Variants in ERBB4 observed in about 807,000 individuals in gnomAD.
ERBB4 encodes receptor tyrosine-protein kinase erbB-4.
ERBB4 carries 42 observed loss-of-function variants against 158.0 expected under a neutral mutation model. That is an observed-to-expected ratio of 0.27 (90% CI 0.21 to 0.34). The LOEUF (loss-of-function observed/expected upper bound fraction) is 0.34, where lower values mean the gene tolerates loss of function less well. Ranked by LOEUF, ERBB4 falls within the 10% of genes least tolerant of loss-of-function variation. The pLI, the probability that ERBB4 is intolerant of heterozygous loss-of-function variation, is 1.00. For missense variants in ERBB4, 1,333 were observed against 1,624.1 expected, an observed-to-expected ratio of 0.82 and a Z score of 3.08; for synonymous variants, 583 against 558.7, an observed-to-expected ratio of 1.04 and a Z score of -0.61.
At chr2:211,991,759 T>G (rs532047550) in intron 2 of ERBB4, among the ~76,000 whole-genome samples, 1 of 152,188 alleles carries the variant, frequency 6.6e-6, no homozygotes, top group East Asian at 1.9e-4. Context: ...GGAAAGGAAG[T>G]TGGAAAAAGG....
chr2:212,293,859 CAAAA>C (rs58955695), intron 1 of ERBB4, among the ~76,000 whole-genome samples: 1 of 97,544 alleles, frequency 1.0e-5, no homozygotes, highest in Non-Finnish European at 1.8e-5. Flanking sequence ...AAAAAAAAAA[CAAAA>C]AAAAAAAAAA....
chr2:212,488,339 C>G (rs1215600364), intron 1 of ERBB4, among the ~76,000 whole-genome samples: 3 of 151,888 alleles, frequency 2.0e-5, no homozygotes, highest in Admixed American at 2.0e-4. Context: ...CTCTCTCTCT[C>G]TCTCCTCTCT....
At chr2:211,989,344 G>T (rs1488204370) in intron 2 of ERBB4, among the ~76,000 whole-genome samples, 3 of 151,648 alleles carry the variant, frequency 2.0e-5, no homozygotes, top group African/African-American at 7.3e-5. Context: ...TGCTTCAATG[G>T]AAAAATTTTC....
intron 19 of ERBB4, among the ~76,000 whole-genome samples, chr2:211,597,667 C>CATATTTA (rs1553584468): frequency 8.8e-4 from 133 of 151,734 alleles, no homozygotes; most frequent in Non-Finnish European, 1.7e-3. Context: ...ACAAATTCAT[C>CATATTTA]TTTTCATTAG....
intron 3 of ERBB4, among the ~76,000 whole-genome samples, chr2:211,861,095 A>T (rs561012941): frequency 0.026 from 908 of 34,978 alleles, 120 homozygotes; most frequent in African/African-American, 0.068. Context: ...AAAATATATA[A>T]ATACATTATA....
At chr2:211,951,625 CAT>C (rs2080878531) in intron 2 of ERBB4, among the ~76,000 whole-genome samples, 1 of 152,196 alleles carries the variant, frequency 6.6e-6, no homozygotes, top group African/African-American at 2.4e-5. Context: ...TTCTCAGACA[CAT>C]GTGTCTTGTC....
At chr2:211,552,341 A>G (rs1425360436) in intron 20 of ERBB4, among the ~76,000 whole-genome samples, 3 of 151,500 alleles carry the variant, frequency 2.0e-5, no homozygotes, top group Admixed American at 1.3e-4. Flanking sequence ...ACACTGAAAA[A>G]TTCTTTATTT....
intron 3 of ERBB4, among the ~76,000 whole-genome samples, chr2:211,897,783 A>T (rs2079137181): frequency 6.6e-6 from 1 of 151,978 alleles, no homozygotes; most frequent in Admixed American, 6.6e-5. Flanking sequence ...TCATTCTGTC[A>T]CCTAGGCTGG....
At chr2:212,183,646 G>C (rs1215466242) in intron 1 of ERBB4, among the ~76,000 whole-genome samples, 2 of 151,952 alleles carry the variant, frequency 1.3e-5, no homozygotes, top group Non-Finnish European at 2.9e-5. Context: ...CTATGGAGAA[G>C]TTTTTTTGCT....
Position 211,915,069 on chromosome 2 carries a change from T to G in ERBB4, c.421+32361A>C, listed in dbSNP as rs527940202. The stretch of plus-strand genomic sequence containing the variant: ...AAAGATTTCAGGTCTGAAGGCAAAG[T>G]AATATTAGCGCCCTCTTTTATTAAG... On this transcript the variant is annotated intron_variant, in intron 3 of 27. Transcript: ENST00000342788. Among the ~76,000 whole-genome samples the G allele has an allele frequency of 7.7e-4, 117 of 152,164 alleles. 1 individual carries two copies. Among genetic ancestry groups the G allele is most frequent in the Non-Finnish European group, 1.5e-3 (99 of 68,008 alleles).
chr2:211,541,098 G>A (rs2066797385), intron 20 of ERBB4, among the ~76,000 whole-genome samples: 1 of 151,778 alleles, frequency 6.6e-6, no homozygotes, highest in South Asian at 2.1e-4. Context: ...CCTTTTCGGG[G>A]GAAAAGGTAC....
At chr2:212,509,358 C>T (rs1050989870) in intron 1 of ERBB4, among the ~76,000 whole-genome samples, 11 of 151,912 alleles carry the variant, frequency 7.2e-5, no homozygotes, top group South Asian at 2.1e-4. Flanking sequence ...AGATTGCTTT[C>T]GTACATAAGT....
At chr2:212,409,296 A>C (rs548802361) in intron 1 of ERBB4, among the ~76,000 whole-genome samples, 1 of 152,192 alleles carries the variant, frequency 6.6e-6, no homozygotes, top group Non-Finnish European at 1.5e-5. Flanking sequence ...GTATCGGCTC[A>C]ATTTAAAAGC....
intron 19 of ERBB4, among the ~76,000 whole-genome samples, chr2:211,609,339 A>G (rs1455588606): frequency 6.6e-6 from 1 of 152,148 alleles, no homozygotes; most frequent in Non-Finnish European, 1.5e-5. Flanking sequence ...CCCAGTAGGA[A>G]AGAATGCATG....
At chr2:211,456,687 G>T (rs1356139448) in intron 20 of ERBB4, among the ~76,000 whole-genome samples, 2 of 152,088 alleles carry the variant, frequency 1.3e-5, no homozygotes, top group Admixed American at 1.3e-4. Context: ...ATGGATGTGG[G>T]AGGAGGGGAG....
chr2:211,666,391 T>G (rs1421606150), intron 14 of ERBB4, among the ~76,000 whole-genome samples: 1 of 152,190 alleles, frequency 6.6e-6, no homozygotes, highest in Non-Finnish European at 1.5e-5. Context: ...ATATTTATGT[T>G]TATAATACAC....
At chr2:212,225,290 G>T (rs970589036) in intron 1 of ERBB4, among the ~76,000 whole-genome samples, 2 of 151,922 alleles carry the variant, frequency 1.3e-5, no homozygotes, top group Admixed American at 1.3e-4. Context: ...TTTTGAGAAA[G>T]CATCAACCCT....
intron 1 of ERBB4, among the ~76,000 whole-genome samples, chr2:212,184,945 T>C (rs781431451): frequency 2.6e-5 from 4 of 151,876 alleles, no homozygotes; most frequent in Non-Finnish European, 4.4e-5. Flanking sequence ...TCACCCACGG[T>C]CCTCTGTTCA....
chr2:211,523,322 C>CT (rs1408845245), intron 20 of ERBB4, among the ~76,000 whole-genome samples: 3 of 149,594 alleles, frequency 2.0e-5, no homozygotes, highest in Non-Finnish European at 4.4e-5. Flanking sequence ...GCTTAGAAAT[C>CT]TATGTGCTTG....
Sources: gnomAD v4.1 joint callset for allele counts (sites outside exome capture counted in the v4.1 genomes callset) on GRCh38, gnomAD v4.1.1 for gene constraint, MANE v1.5 for transcripts, NCBI Gene and HGNC (gene_info 2026-07-23, HGNC 2026-07-21) for gene names.